Variants in NCKAP1L observed in about 807,000 individuals in gnomAD.
The protein encoded by NCKAP1L is nck-associated protein 1-like.
NCKAP1L carries 53 observed loss-of-function variants against 139.2 expected under a neutral mutation model. That is an observed-to-expected ratio of 0.38 (90% confidence interval 0.31 to 0.48). The LOEUF (loss-of-function observed/expected upper bound fraction) is 0.48, where lower values mean the gene tolerates loss of function less well. Among genes scored for constraint, NCKAP1L ranks in the 20% least tolerant of loss-of-function variants. The probability of loss-of-function intolerance (pLI) is 0.98; values close to 1 mark genes in which losing one functional copy is unlikely to be tolerated. For missense variants in NCKAP1L, 1,151 were observed against 1,381.9 expected (o/e 0.83, Z 2.65); for synonymous variants, 468 against 499.7 (o/e 0.94, Z 0.85).
rs1286925014 is a variant in NCKAP1L at position 54,547,958 on chromosome 12, C to T, written c.*5273C>T. 6.6e-6 allele frequency: 1 copy of T among 152,222 alleles called. No individual in the cohort carries two copies. Among genetic ancestry groups the T allele is most frequent in the Non-Finnish European group, 1.5e-5 (1 of 68,034 alleles). 9.4% of individuals were successfully genotyped at this position (152,222 alleles called of 1,614,324 possible). On this transcript the variant is annotated 3_prime_UTR_variant, in exon 31 of 31. Coordinates refer to ENST00000293373, the MANE Select transcript of NCKAP1L (RefSeq NM_005337.5). ...TTTCCACTTTTTTCTCCATCTCTGA[C>T]TCTGCCATCTCTTTCTGCCTCTGTA...
chr12:54,524,950 T>C (rs767048862), intron 20 of NCKAP1L, among the ~76,000 whole-genome samples: 2 of 152,112 alleles, frequency 1.3e-5, no homozygotes, highest in Non-Finnish European at 2.9e-5. Context: ...AAGCCACGCA[T>C]GTAACTACTG....
Position 54,543,976 on chromosome 12 carries a change from C to T in NCKAP1L, c.*1291C>T, listed in dbSNP as rs1248875147. On this transcript the variant is annotated 3_prime_UTR_variant, in exon 31 of 31. Coordinates refer to ENST00000293373, the MANE Select transcript of NCKAP1L (RefSeq NM_005337.5). Reference sequence around the variant, plus strand: ...CGGTTTTCAGCAAAAACGATTCAGCCTTCCTGAAGCCTATTTGATAGCTGT... The same window carrying T: ...CGGTTTTCAGCAAAAACGATTCAGCTTTCCTGAAGCCTATTTGATAGCTGT... The T allele has an allele frequency of 6.6e-6, 1 of 152,220 alleles. No homozygotes were observed. The highest frequency in any genetic ancestry group is 6.5e-5 in the Admixed American group (1 of 15,290). 9.4% of individuals were successfully genotyped at this position (152,220 alleles called of 1,614,324 possible). A position where few individuals can be genotyped will look rare whatever the true frequency, so the allele number is the denominator to read the frequency against.
At position 54,516,281 on chromosome 12, in the gene NCKAP1L, T is replaced by C. The variant is rs759460378; in HGVS notation, c.984T>C (p.His328=). Residue 328 remains histidine (H), a synonymous_variant, in exon 10 of 31, where the codon CAT becomes CAC. Transcript: ENST00000293373. Reference sequence around the variant, plus strand: ...CAGACATAAAGGAGAGCAAGGAACATGTAATTGCAAACAGGTAAAGGGTGG... The same window carrying C: ...CAGACATAAAGGAGAGCAAGGAACACGTAATTGCAAACAGGTAAAGGGTGG... ...RVADIKESKE[H]VIANSGQFHC... is the part of the protein sequence containing the mutation. 2 of 1,613,984 alleles carry C rather than the reference T, an allele frequency of 1.2e-6. No individual in the cohort carries two copies. Among genetic ancestry groups the C allele is most frequent in the South Asian group, 1.1e-5 (1 of 91,084 alleles).
chr12:54,541,029 G>T (rs1450392503), intron 30 of NCKAP1L, among the ~76,000 whole-genome samples: 1 of 152,248 alleles, frequency 6.6e-6, no homozygotes, highest in Non-Finnish European at 1.5e-5. Flanking sequence ...CAGCACTTCT[G>T]TCCCCAGAGT....
At chr12:54,536,361 T>C in intron 28 of NCKAP1L, 116 bp downstream of exon 28, 2 of 794,254 alleles carry the variant, frequency 2.5e-6, no homozygotes, top group Non-Finnish European at 4.2e-6. Context: ...AAAGTTCTGT[T>C]TCAAAAAGCA....
Position 54,545,099 on chromosome 12 carries a change from C to A in NCKAP1L, c.*2414C>A, listed in dbSNP as rs565940324. The A allele has an allele frequency of 6.6e-6, 1 of 152,328 alleles. No individual in the cohort carries two copies. The highest frequency in any genetic ancestry group is 2.1e-4 in the South Asian group (1 of 4,826). 9.4% of individuals were successfully genotyped at this position (152,328 alleles called of 1,614,324 possible). A position where few individuals can be genotyped will look rare whatever the true frequency, so the allele number is the denominator to read the frequency against. On this transcript the variant is annotated 3_prime_UTR_variant, in exon 31 of 31. Transcript: ENST00000293373. ...AGCAATTTTATAGCAATTTTCTCCT[C>A]CCACAACCCCCTTCCCCATCTCTAG...
intron 29 of NCKAP1L, 87 bp from the exon 30 acceptor site, chr12:54,538,797 C>T (rs1420912542): frequency 3.0e-6 from 3 of 1,000,006 alleles, no homozygotes; most frequent in Non-Finnish European, 4.7e-6. Context: ...TTAACTCTCT[C>T]CTTGATCTTT....
At chr12:54,518,629 G>A (rs1956953579) in intron 13 of NCKAP1L, 22 bp from the exon 14 acceptor site, 5 of 1,606,246 alleles carry the variant, frequency 3.1e-6, no homozygotes, top group Non-Finnish European at 4.3e-6. Flanking sequence ...CCACTTGACA[G>A]TAACTGCAGC....
At chr12:54,535,278 A>G in intron 27 of NCKAP1L, 81 bp downstream of exon 27, 1 of 1,071,956 alleles carries the variant, frequency 9.3e-7, no homozygotes, top group South Asian at 1.3e-5. Context: ...AATGTCAAAG[A>G]AGCCTTTATT....
rs1445532703 is a variant in NCKAP1L, at chr12:54,546,113, C to T, written c.*3428C>T. 1 of 152,252 alleles carries T rather than the reference C, an allele frequency of 6.6e-6. No individual in the cohort carries two copies. The highest frequency in any genetic ancestry group is 1.5e-5 in the Non-Finnish European group (1 of 68,110). The allele number at this position is 152,252 out of a possible 1,614,324, so 9.4% of individuals were successfully genotyped here. A position where few individuals can be genotyped will look rare whatever the true frequency, so the allele number is the denominator to read the frequency against. On this transcript the variant is annotated 3_prime_UTR_variant, in exon 31 of 31. Coordinates refer to ENST00000293373, the MANE Select transcript of NCKAP1L (RefSeq NM_005337.5). Reference sequence around the variant, plus strand: ...GTGGCTGTTGTCTGTAATCCCAACACTTTGGGAGGCTGAGGCCAGTGGATC... The same window carrying T: ...GTGGCTGTTGTCTGTAATCCCAACATTTTGGGAGGCTGAGGCCAGTGGATC...
intron 2 of NCKAP1L, 66 bp downstream of exon 2, chr12:54,499,531 C>T (rs1031800313): frequency 2.0e-5 from 19 of 932,572 alleles, no homozygotes; most frequent in Non-Finnish European, 3.2e-5. Flanking sequence ...AAATTCTCCT[C>T]TTTTGATGCC....
chr12:54,501,506 T>C (rs1179809817), intron 3 of NCKAP1L, among the ~76,000 whole-genome samples: 2 of 69,788 alleles, frequency 2.9e-5, no homozygotes, highest in East Asian at 1.0e-3. Flanking sequence ...AATTCTATTA[T>C]TAACTTTTTT....
chr12:54,513,298 T>C (rs1956903227), intron 9 of NCKAP1L, among the ~76,000 whole-genome samples: 1 of 152,188 alleles, frequency 6.6e-6, no homozygotes, highest in Non-Finnish European at 1.5e-5. Flanking sequence ...GATTGCGTGG[T>C]TAGTTTTAAA....
intron 5 of NCKAP1L, among the ~76,000 whole-genome samples, chr12:54,509,459 C>A (rs556641915): frequency 1.3e-5 from 2 of 152,244 alleles, no homozygotes; most frequent in South Asian, 4.1e-4. Context: ...CATGGACCTG[C>A]CCAAAATGAA....
At position 54,531,787 on chromosome 12, in the gene NCKAP1L, C is replaced by T. The variant is rs768728868; in HGVS notation, c.2743C>T (p.Leu915Phe). 1.2e-6 allele frequency: 2 copies of T among 1,612,852 alleles called. No individual in the cohort carries two copies. Among genetic ancestry groups the T allele is most frequent in the African/African-American group, 1.3e-5 (1 of 74,894 alleles). Residue 915 changes from leucine to phenylalanine, a missense_variant, in exon 25 of 31, where the codon CTC (leucine) becomes TTC (phenylalanine). By Grantham distance (22) the Leu-to-Phe change is conservative. Transcript: ENST00000293373. The stretch of plus-strand genomic sequence containing the variant: ...GCGCATGACCATCATTGGGGTTATC[C>T]TCAGTTTCAGGGCCATGGCCCAAGA... The part of the protein sequence containing the change: ...LKRMTIIGVI[L>F]SFRAMAQEGL...
At chr12:54,529,663 A>T (rs562128066) in intron 22 of NCKAP1L, among the ~76,000 whole-genome samples, 72 of 152,220 alleles carry the variant, frequency 4.7e-4, no homozygotes, top group Non-Finnish European at 7.2e-4. Context: ...AACTCTACCC[A>T]CAAACTGTAG....
Position 54,507,887 on chromosome 12 carries a change from C to A in NCKAP1L, c.341C>A (p.Ala114Asp). 6.2e-7 allele frequency: 1 copy of A among 1,614,028 alleles called. No homozygotes were observed. The highest frequency in any genetic ancestry group is 2.2e-5 in the East Asian group (1 of 44,884). The change falls in exon 4 of 31, where the codon GCC (alanine) becomes GAC (aspartate). Residue 114 changes from alanine (A) to aspartate (D), a missense_variant. Ala to Asp is a moderately radical substitution (Grantham distance 126, BLOSUM62 -2). Transcript: ENST00000293373. Reference sequence around the variant, plus strand: ...TATGAACTTCTCAACACCATTGATGCCTGCCAGTGCCATTTTGATATCGTA... The same window carrying A: ...TATGAACTTCTCAACACCATTGATGACTGCCAGTGCCATTTTGATATCGTA... ...HVYELLNTID[A>D]CQCHFDINLN...
chr12:54,521,157 C>G lies in NCKAP1L; in HGVS notation c.1797C>G (p.Asn599Lys). 6.2e-7 allele frequency: 1 copy of G among 1,614,116 alleles called. No individual in the cohort carries two copies. Among genetic ancestry groups the G allele is most frequent in the Non-Finnish European group, 8.5e-7 (1 of 1,180,016 alleles). The stretch of plus-strand genomic sequence containing the variant: ...AGAACCATGGTCTTCACCACTGCAA[C>G]TCCTTCCTGGAAGAGTTGGCCAAGC... ...HLKNHGLHHC[N>K]SFLEELAKQT... is the part of the protein sequence containing the mutation. The change falls in exon 18 of 31, where the codon AAC (asparagine) becomes AAG (lysine). Residue 599 changes from asparagine (N) to lysine (K), a missense_variant. Asn to Lys is a moderately conservative substitution (Grantham distance 94). Transcript: ENST00000293373.
At chr12:54,515,835 T>G (rs529508334) in intron 9 of NCKAP1L, among the ~76,000 whole-genome samples, 1 of 152,284 alleles carries the variant, frequency 6.6e-6, no homozygotes, top group South Asian at 2.1e-4. Flanking sequence ...GTAACTACTT[T>G]TACTTGAGAG....
Sources: allele counts gnomAD v4.1 joint callset (sites outside exome capture counted in the v4.1 genomes callset), GRCh38; gene constraint gnomAD v4.1.1; transcripts MANE v1.5; gene names NCBI Gene and HGNC (gene_info 2026-07-23, HGNC 2026-07-21).